The following IL1RAPL2 variants were observed in gnomAD, a reference collection of about 807,000 sequenced individuals.
IL1RAPL2 encodes the protein interleukin 1 receptor accessory protein like 2.
In IL1RAPL2, 3 loss-of-function variants were observed where a neutral mutation model predicts 44.1. That is an observed-to-expected ratio of 0.07 (90% confidence interval 0.03 to 0.18). The LOEUF (loss-of-function observed/expected upper bound fraction) is 0.18. Ranked by LOEUF, IL1RAPL2 falls within the 10% of genes least tolerant of loss-of-function variation. The pLI, the probability that IL1RAPL2 is intolerant of heterozygous loss-of-function variation, is 1.00. For missense variants in IL1RAPL2, 391 were observed against 496.4 expected (o/e 0.79, Z 2.02); for synonymous variants, 181 against 178.8 (o/e 1.01, Z -0.10).
intron 1 of IL1RAPL2, among the ~76,000 whole-genome samples, chrX:104,600,233 G>T (rs1928854813): frequency 9.0e-6 from 1 of 111,688 alleles, no homozygotes; most frequent in Non-Finnish European, 1.9e-5. Context: ...TTTCTTAGAG[G>T]TATCTTTGAC....
chrX:105,482,940 T>A (rs151084306), intron 5 of IL1RAPL2, among the ~76,000 whole-genome samples: 4 of 110,336 alleles, frequency 3.6e-5, no homozygotes, highest in Non-Finnish European at 5.7e-5. Flanking sequence ...TAGTTTGATA[T>A]AAGTAAGGGT....
At chrX:104,740,108 T>C (rs1932078533) in intron 2 of IL1RAPL2, among the ~76,000 whole-genome samples, 1 of 111,387 alleles carries the variant, frequency 9.0e-6, no homozygotes, top group Non-Finnish European at 1.9e-5. Flanking sequence ...CCTACATTTT[T>C]TTCCTCCCTC....
chrX:104,633,709 G>A (rs1929715002), intron 1 of IL1RAPL2, among the ~76,000 whole-genome samples: 1 of 110,881 alleles, frequency 9.0e-6, no homozygotes, highest in Admixed American at 9.6e-5. Context: ...ATTTTTTATT[G>A]CGTCTATTTG....
chrX:104,772,364 T>C (rs961454357), intron 2 of IL1RAPL2, among the ~76,000 whole-genome samples: 6 of 112,423 alleles, frequency 5.3e-5, no homozygotes, highest in African/African-American at 1.3e-4. Context: ...CCTATGTGCT[T>C]TACGTATTTC....
chrX:104,908,203 A>G (rs1049005612), intron 2 of IL1RAPL2, among the ~76,000 whole-genome samples: 1 of 111,625 alleles, frequency 9.0e-6, no homozygotes, highest in African/African-American at 3.3e-5. Context: ...GTGTCTCTGC[A>G]CGTGAGATGG....
At chrX:105,484,483 A>G in intron 6 of IL1RAPL2, 96 bp downstream of exon 6, 1 of 570,650 alleles carries the variant, frequency 1.8e-6, no homozygotes, top group Non-Finnish European at 3.1e-6. Context: ...TGCCACTGTT[A>G]TTACATGCAA....
chrX:105,429,221 TC>T (rs2035831306), intron 5 of IL1RAPL2, among the ~76,000 whole-genome samples: 1 of 111,818 alleles, frequency 8.9e-6, no homozygotes, highest in East Asian at 2.8e-4. Flanking sequence ...AAAATTAGCT[TC>T]AAGTTCTTAA....
intron 2 of IL1RAPL2, among the ~76,000 whole-genome samples, chrX:104,946,775 A>C (rs1181350818): frequency 1.0e-5 from 1 of 97,770 alleles, no homozygotes; most frequent in Non-Finnish European, 2.1e-5. Flanking sequence ...ATAGTATTCC[A>C]TGGTGTATAT....
intron 2 of IL1RAPL2, among the ~76,000 whole-genome samples, chrX:104,950,119 A>G (rs1306215259): frequency 1.8e-5 from 2 of 111,607 alleles, no homozygotes; most frequent in Admixed American, 9.5e-5. Context: ...TTGGGTGCGT[A>G]TATATTTAGG....
chrX:105,075,098 G>A (rs1490830944), intron 2 of IL1RAPL2, among the ~76,000 whole-genome samples: 1 of 111,380 alleles, frequency 9.0e-6, no homozygotes, highest in South Asian at 3.8e-4. Flanking sequence ...AGTGGTGAGA[G>A]AGGGCATCCC....
intron 2 of IL1RAPL2, among the ~76,000 whole-genome samples, chrX:104,662,884 T>A (rs961528123): frequency 9.0e-6 from 1 of 111,678 alleles, no homozygotes; most frequent in African/African-American, 3.3e-5. Context: ...ATGTTAATAT[T>A]CAACCCAAAT....
At position 104,881,942 on chromosome X, in the gene IL1RAPL2, A is replaced by C. The variant is rs376547334; in HGVS notation, c.82+222947A>C. Among the ~76,000 whole-genome samples the C allele has an allele frequency of 1.4e-3, 157 of 112,086 alleles. 1 individual carries two copies. Among genetic ancestry groups the C allele is most frequent in the African/African-American group, 4.7e-3 (145 of 30,962 alleles). The stretch of plus-strand genomic sequence containing the variant: ...ATAAGTGAACTAAAAAAAGGAGATA[A>C]AATAAATGTTTAGTTTTTAAAAATG... On this transcript the variant is annotated intron_variant, in intron 2 of 10. Coordinates refer to ENST00000372582, the MANE Select transcript of IL1RAPL2 (RefSeq NM_017416.2).
At chrX:105,112,890 T>C (rs748561708) in intron 2 of IL1RAPL2, among the ~76,000 whole-genome samples, 1 of 112,818 alleles carries the variant, frequency 8.9e-6, no homozygotes, top group African/African-American at 3.2e-5. Flanking sequence ...TCACTCTTCA[T>C]TGTTTTCCTC....
At chrX:104,641,210 G>C (rs779462703) in intron 1 of IL1RAPL2, among the ~76,000 whole-genome samples, 20 of 111,942 alleles carry the variant, frequency 1.8e-4, no homozygotes, top group Admixed American at 4.7e-4. Context: ...GTAGTGGCTA[G>C]GAGTTTAGGC....
At chrX:105,705,193 AGATAGAT>A (rs1322430837) in intron 6 of IL1RAPL2, among the ~76,000 whole-genome samples, 1 of 109,663 alleles carries the variant, frequency 9.1e-6, no homozygotes, top group Non-Finnish European at 1.9e-5. Flanking sequence ...ACTAATAAAT[AGATAGAT>A]GATAGATGAA....
chrX:105,717,552 A>G (rs1164534730), intron 7 of IL1RAPL2, 56 bp downstream of exon 7: 11 of 1,074,294 alleles, frequency 1.0e-5, no homozygotes, highest in Non-Finnish European at 1.4e-5. Flanking sequence ...TCTGCTCAGG[A>G]TTTTAATTGC....
intron 5 of IL1RAPL2, among the ~76,000 whole-genome samples, chrX:105,302,920 AC>A (rs917990348): frequency 3.6e-5 from 4 of 111,867 alleles, no homozygotes; most frequent in Non-Finnish European, 7.5e-5. Context: ...TTAGCTTCTG[AC>A]CGCTGGGTTG....
At position 105,161,775 on chromosome X, in the gene IL1RAPL2, A is replaced by G. The variant is rs750398212; in HGVS notation, c.83-33700A>G. ...TGCAACAGAAAAATCTGCCACTCGA[A>G]TCTCACTAAAATATTATTTGCCATA... On this transcript the variant is annotated intron_variant, in intron 2 of 10. Transcript: ENST00000372582. 1.1e-4 allele frequency among the ~76,000 whole-genome samples: 12 copies of G among 111,870 alleles called. No homozygotes were observed. In the East Asian group the frequency reaches 2.3e-3, roughly 21 times the overall value.
chrX:105,712,055 G>A (rs2038215455), intron 6 of IL1RAPL2, among the ~76,000 whole-genome samples: 1 of 111,259 alleles, frequency 9.0e-6, no homozygotes, highest in East Asian at 2.9e-4. Context: ...TTGGAGGCTG[G>A]TGTTATATGC....
Sources: allele counts gnomAD v4.1 joint callset (sites outside exome capture counted in the v4.1 genomes callset), GRCh38; gene constraint gnomAD v4.1.1; transcripts MANE v1.5; gene names NCBI Gene and HGNC (gene_info 2026-07-23, HGNC 2026-07-21).